The following HGSNAT variants were observed in gnomAD, a reference collection of about 807,000 sequenced individuals.
HGSNAT encodes the protein transmembrane protein 76.
HGSNAT carries 59 observed loss-of-function variants against 85.2 expected under a neutral mutation model. The ratio of observed to expected loss-of-function variants is 0.69; its 90% CI spans 0.56 to 0.86. The LOEUF (loss-of-function observed/expected upper bound fraction) is 0.86. Among genes scored for constraint, HGSNAT ranks in the 40% least tolerant of loss-of-function variants. HGSNAT has a pLI of 0.00. For synonymous variants in HGSNAT, 321 were observed against 304.5 expected (o/e 1.05, Z -0.56); for missense variants, 756 against 777.1 (o/e 0.97, Z 0.32).
chr8:43,184,330 A>C (rs1804234687), intron 11 of HGSNAT, among the ~76,000 whole-genome samples: 1 of 151,974 alleles, frequency 6.6e-6, no homozygotes. Context: ...TTGCCATTCT[A>C]ACTGGTGTGA....
chr8:43,161,885 G>A (rs1803279037), intron 5 of HGSNAT, among the ~76,000 whole-genome samples: 1 of 152,228 alleles, frequency 6.6e-6, no homozygotes, highest in Admixed American at 6.5e-5. Context: ...GAGCCCTGAG[G>A]CACCTTCTAG....
At chr8:43,141,238 G>A (rs1229875831) in intron 1 of HGSNAT, among the ~76,000 whole-genome samples, 2 of 152,150 alleles carry the variant, frequency 1.3e-5, no homozygotes, top group Admixed American at 6.5e-5. Flanking sequence ...TCCCGGGCGA[G>A]CCCTCCGCGC....
At chr8:43,169,274 G>C in intron 6 of HGSNAT, 32 bp downstream of exon 6, 1 of 1,383,700 alleles carries the variant, frequency 7.2e-7, no homozygotes. Context: ...GTATTGCCCA[G>C]GTGGTTTTCT....
chr8:43,156,808 T>G (rs1349015552), intron 2 of HGSNAT, among the ~76,000 whole-genome samples: 1 of 152,188 alleles, frequency 6.6e-6, no homozygotes, highest in Non-Finnish European at 1.5e-5. Context: ...TGGCTTAAAG[T>G]CTATGTCTTT....
chr8:43,160,648 T>G (rs1183533143), intron 4 of HGSNAT, among the ~76,000 whole-genome samples: 1 of 152,210 alleles, frequency 6.6e-6, no homozygotes, highest in East Asian at 1.9e-4. Flanking sequence ...CACATACTAT[T>G]ACTGAAACCA....
chr8:43,175,862 C>T (rs1265251075), intron 9 of HGSNAT, among the ~76,000 whole-genome samples: 17 of 151,906 alleles, frequency 1.1e-4, no homozygotes, highest in African/African-American at 2.4e-5. Context: ...CCACCGAGCC[C>T]GGCCTTTTAA....
At chr8:43,182,946 C>G (rs2130785467) in intron 11 of HGSNAT, among the ~76,000 whole-genome samples, 2 of 152,224 alleles carry the variant, frequency 1.3e-5, no homozygotes, top group African/African-American at 4.8e-5. Context: ...AATTTGTCAG[C>G]AGACAGTAAT....
At position 43,201,851 on chromosome 8, in the gene HGSNAT, A is replaced by G. The variant is rs182955491; in HGVS notation, c.*2282A>G. On this transcript the variant is annotated 3_prime_UTR_variant, in exon 18 of 18. Coordinates refer to ENST00000379644, the MANE Select transcript of HGSNAT (RefSeq NM_152419.3). This position sits in a 1 kb window ranked among gnomAD's most constrained non-coding sequence, Gnocchi z 4.4. ...AATGATGTGGATTTTTAAAATAAATATTTAAGTGCTGGTAAGATGAGCATG... is the reference window on the plus strand; with the variant it reads ...AATGATGTGGATTTTTAAAATAAATGTTTAAGTGCTGGTAAGATGAGCATG... The G allele has an allele frequency of 6.6e-6, 1 of 152,334 alleles. No individual in the cohort carries two copies. Among genetic ancestry groups the G allele is most frequent in the African/African-American group, 2.4e-5 (1 of 41,578 alleles). 9.4% of individuals were successfully genotyped at this position (152,334 alleles called of 1,614,324 possible). A position where few individuals can be genotyped will look rare whatever the true frequency, so the allele number is the denominator to read the frequency against.
intron 2 of HGSNAT, among the ~76,000 whole-genome samples, chr8:43,148,054 C>A (rs979840286): frequency 6.6e-6 from 1 of 152,028 alleles, no homozygotes; most frequent in African/African-American, 2.4e-5. Flanking sequence ...ACCAGCCTGA[C>A]CAACATGGAG....
chr8:43,163,876 G>T (rs767943867), intron 5 of HGSNAT, among the ~76,000 whole-genome samples: 17 of 152,124 alleles, frequency 1.1e-4, no homozygotes, highest in Non-Finnish European at 2.5e-4. Context: ...TATCCATGTT[G>T]AATAAACTAG....
Position 43,199,559 on chromosome 8 carries a change from G to T in HGSNAT, c.1898G>T (p.Trp633Leu). 2 of 1,533,546 alleles carry T rather than the reference G, an allele frequency of 1.3e-6. No homozygotes were observed. The highest frequency in any genetic ancestry group is 8.8e-7 in the Non-Finnish European group (1 of 1,137,834). 95.0% of individuals were successfully genotyped at this position (1,533,546 alleles called of 1,614,324 possible). ...ATCCTCTATAGAAAGAAGATTTTTT[G>T]GAAAATCTGATGGCTCCCACTGAGA... ...AYILYRKKIFWKI is the reference protein window; with the variant it reads ...AYILYRKKIFLKI Residue 633 changes from tryptophan to leucine, a missense_variant, in exon 18 of 18, where the codon TGG becomes TTG. By Grantham distance (61) the Trp-to-Leu change is moderately conservative. Transcript: ENST00000379644.
intron 10 of HGSNAT, among the ~76,000 whole-genome samples, chr8:43,179,561 G>A (rs1359119606): frequency 2.4e-5 from 3 of 122,906 alleles, no homozygotes; most frequent in African/African-American, 3.4e-5. Context: ...CCTCCCGGAC[G>A]GGGCGGCTGG....
intron 2 of HGSNAT, among the ~76,000 whole-genome samples, chr8:43,157,848 A>G (rs1226215433): frequency 6.6e-6 from 1 of 151,306 alleles, no homozygotes; most frequent in African/African-American, 2.4e-5. Context: ...CACATAATTT[A>G]TATAGCAAAA....
At chr8:43,190,025 C>T (rs944268883) in intron 11 of HGSNAT, among the ~76,000 whole-genome samples, 1 of 152,118 alleles carries the variant, frequency 6.6e-6, no homozygotes, top group South Asian at 2.1e-4. Flanking sequence ...ATTCATGTAA[C>T]GTTTTGGTAT....
At chr8:43,167,219 AGCAGAG>A (rs1298314453) in intron 5 of HGSNAT, among the ~76,000 whole-genome samples, 2 of 152,248 alleles carry the variant, frequency 1.3e-5, no homozygotes, top group East Asian at 3.8e-4. Flanking sequence ...TAGTTGGTAG[AGCAGAG>A]GCAGAGTTTG....
chr8:43,154,415 A>G (rs1328970335), intron 2 of HGSNAT, among the ~76,000 whole-genome samples: 1 of 144,704 alleles, frequency 6.9e-6, no homozygotes, highest in Non-Finnish European at 1.5e-5. Flanking sequence ...TCATTGTTCA[A>G]TTCCCACATA....
intron 11 of HGSNAT, among the ~76,000 whole-genome samples, chr8:43,190,137 A>C (rs1804477871): frequency 6.6e-6 from 1 of 152,170 alleles, no homozygotes; most frequent in Admixed American, 6.5e-5. Context: ...TCTTTATCAG[A>C]AGCATGTCGG....
chr8:43,160,356 A>T (rs1803231780), intron 4 of HGSNAT, among the ~76,000 whole-genome samples: 1 of 152,228 alleles, frequency 6.6e-6, no homozygotes, highest in African/African-American at 2.4e-5. Context: ...TCAGGCATAT[A>T]CTATATGAGT....
At chr8:43,159,864 G>A (rs1417162179) in intron 4 of HGSNAT, among the ~76,000 whole-genome samples, 2 of 152,152 alleles carry the variant, frequency 1.3e-5, no homozygotes, top group Non-Finnish European at 2.9e-5. Context: ...AGGTAACAAT[G>A]TATGTGCTGC....
Sources: allele counts gnomAD v4.1 joint callset (sites outside exome capture counted in the v4.1 genomes callset), GRCh38; gene constraint gnomAD v4.1.1; non-coding constraint Gnocchi (gnomAD v3.1); transcripts MANE v1.5; gene names NCBI Gene and HGNC (gene_info 2026-07-23, HGNC 2026-07-21).